Variants in HAO2 observed in about 807,000 individuals in gnomAD.
HAO2 encodes the protein 2-Hydroxyacid oxidase 2.
A neutral mutation model predicts 37.4 loss-of-function variants in HAO2; 42 were observed. The observed-to-expected ratio is 1.12, with a 90% CI of 0.88 to 1.45. The LOEUF (loss-of-function observed/expected upper bound fraction) is 1.45, where lower values mean the gene tolerates loss of function less well. Ranked by LOEUF, HAO2 falls within the 40% of genes most tolerant of loss-of-function variation. HAO2 has a pLI of 0.00. For missense variants in HAO2, 476 were observed against 430.2 expected (o/e 1.11, Z -0.94); for synonymous variants, 180 against 162.8 (o/e 1.11, Z -0.81).
At chr1:119,384,640 C>T (rs1174598051) in intron 3 of HAO2, 136 bp from the exon 4 acceptor site, 13 of 703,508 alleles carry the variant, frequency 1.8e-5, no homozygotes, top group Non-Finnish European at 3.0e-5. Context: ...CCCTTTCTTA[C>T]AAGGAAGCAG....
chr1:119,371,970 C>CTATGT (rs1490185675), intron 1 of HAO2, among the ~76,000 whole-genome samples: 3 of 152,148 alleles, frequency 2.0e-5, no homozygotes, highest in South Asian at 4.1e-4. Flanking sequence ...CTATGTTCAA[C>CTATGT]GCTCTATGGA....
intron 1 of HAO2, among the ~76,000 whole-genome samples, chr1:119,373,246 G>A (rs1649176105): frequency 6.6e-6 from 1 of 152,148 alleles, no homozygotes; most frequent in East Asian, 1.9e-4. Context: ...AGGTGAAGGT[G>A]GAATGATAAA....
At chr1:119,392,718 C>T (rs199981951) in intron 7 of HAO2, 31 bp downstream of exon 7, 3 of 1,331,418 alleles carry the variant, frequency 2.3e-6, no homozygotes, top group African/African-American at 1.4e-5. Context: ...TGATTTGGAA[C>T]TTAAAGCAGG....
At chr1:119,376,923 G>A (rs1412630800) in intron 1 of HAO2, among the ~76,000 whole-genome samples, 1 of 152,186 alleles carries the variant, frequency 6.6e-6, no homozygotes, top group Non-Finnish European at 1.5e-5. Context: ...CTGCAGAGAA[G>A]ATGTCTGATA....
In HAO2 at chr1:119,392,679, C is replaced by T; in HGVS notation, c.992C>T (p.Ala331Val). 3.8e-6 allele frequency: 6 copies of T among 1,590,528 alleles called. No homozygotes were observed. Among genetic ancestry groups the T allele is most frequent in the East Asian group, 2.2e-5 (1 of 44,736 alleles). Residue 331 changes from alanine to valine, a missense_variant, in exon 7 of 8, where the codon GCC becomes GTC. Transcript: ENST00000325945. ...ILTNEFHTSM[A>V]LTGCRSVAEI... ...ACAAATGAGTTCCACACTTCCATGG[C>T]CCTTACAGGTAAGTTAACATGTTTT... is the stretch of plus-strand genomic sequence containing the variant.
rs372341545 is a variant in HAO2, at chr1:119,383,086, C to T, written c.283+20C>T. 1.8e-5 allele frequency: 29 copies of T among 1,594,026 alleles called. No individual in the cohort carries two copies. The highest frequency in any genetic ancestry group is 1.1e-4 in the African/African-American group (8 of 74,530). On this transcript the variant is annotated intron_variant, in intron 3 of 7. Coordinates refer to ENST00000325945, the MANE Select transcript of HAO2 (RefSeq NM_016527.4). ...CAAGAGGTATGAACCATCCCCACCTCGAGGCTCCTTTCCGGGAGGAGGTGT... is the reference window on the plus strand; with the variant it reads ...CAAGAGGTATGAACCATCCCCACCTTGAGGCTCCTTTCCGGGAGGAGGTGT...
chr1:119,376,501 G>C (rs1248604111), intron 1 of HAO2, among the ~76,000 whole-genome samples: 2 of 152,318 alleles, frequency 1.3e-5, no homozygotes, highest in South Asian at 2.1e-4. Context: ...CTGGAGTCTG[G>C]AGGATGATGG....
intron 1 of HAO2, among the ~76,000 whole-genome samples, chr1:119,378,810 G>A (rs1649685491): frequency 6.6e-6 from 1 of 152,190 alleles, no homozygotes; most frequent in African/African-American, 2.4e-5. Flanking sequence ...GAGATATCAG[G>A]AGTTGAAACC....
At chr1:119,371,307 C>T (rs1324841576) in intron 1 of HAO2, among the ~76,000 whole-genome samples, 4 of 152,202 alleles carry the variant, frequency 2.6e-5, no homozygotes, top group Admixed American at 2.0e-4. Context: ...CTCATACATA[C>T]ACTCTCTGAT....
At position 119,394,115 on chromosome 1, in the gene HAO2, T is replaced by C; in HGVS notation, c.*275T>C. ...AAGTAAAAGATCTCAAAAGGACAGA[T>C]CATTAATGACTGGAACCACTAGTGG... On this transcript the variant is annotated 3_prime_UTR_variant, in exon 8 of 8. Coordinates refer to ENST00000325945, the MANE Select transcript of HAO2 (RefSeq NM_016527.4). 9.1e-7 allele frequency: 1 copy of C among 1,101,300 alleles called. No homozygotes were observed. The highest frequency in any genetic ancestry group is 1.2e-6 in the Non-Finnish European group (1 of 851,686). 68.2% of individuals were successfully genotyped at this position (1,101,300 alleles called of 1,614,324 possible).
chr1:119,377,738 G>A lies in HAO2; in HGVS notation c.-8-3340G>A, dbSNP rs995486759. 3.3e-5 allele frequency among the ~76,000 whole-genome samples: 5 copies of A among 152,206 alleles called. No individual in the cohort carries two copies. In the South Asian group the frequency reaches 1.0e-3, roughly 32 times the overall value. ...AAAGGCATGTTTTAAATGGCAGCAG[G>A]TAAGAGAGCACATGCAGGGAACTGC... On this transcript the variant is annotated intron_variant, in intron 1 of 7. Transcript: ENST00000325945.
intron 5 of HAO2, among the ~76,000 whole-genome samples, chr1:119,390,629 T>A (rs41443445): frequency 6.6e-6 from 1 of 152,190 alleles, no homozygotes; most frequent in South Asian, 2.1e-4. Flanking sequence ...GTGGAGTTGA[T>A]AATAATTGTG....
rs764152324 is a variant in HAO2, at chr1:119,393,782, T to C, written c.1001-3T>C. 6.2e-7 allele frequency: 1 copy of C among 1,613,078 alleles called. No homozygotes were observed. Among genetic ancestry groups the C allele is most frequent in the African/African-American group, 1.3e-5 (1 of 74,880 alleles). ...TGAGCTTGTAACCACATTGTTCTTT[T>C]AGGCTGCCGGTCGGTCGCTGAGATC... On this transcript the variant is annotated splice_region_variant and splice_polypyrimidine_tract_variant and intron_variant, in intron 7 of 7. Coordinates refer to ENST00000325945, the MANE Select transcript of HAO2 (RefSeq NM_016527.4).
intron 1 of HAO2, among the ~76,000 whole-genome samples, chr1:119,375,018 A>T (rs188501651): frequency 2.2e-4 from 34 of 152,332 alleles, no homozygotes; most frequent in Admixed American, 1.6e-3. Flanking sequence ...AAGCCTAAAG[A>T]GGTTCAAGGA....
chr1:119,377,654 C>T (rs1219798457), intron 1 of HAO2, among the ~76,000 whole-genome samples: 6 of 152,236 alleles, frequency 3.9e-5, no homozygotes, highest in Non-Finnish European at 5.9e-5. Context: ...GCTTAATGGA[C>T]TTCCAGTTCC....
At chr1:119,384,195 G>A (rs1228194499) in intron 3 of HAO2, among the ~76,000 whole-genome samples, 1 of 152,130 alleles carries the variant, frequency 6.6e-6, no homozygotes, top group African/African-American at 2.4e-5. Context: ...ACACCACTTT[G>A]CAATGTAAAG....
intron 5 of HAO2, among the ~76,000 whole-genome samples, chr1:119,391,571 C>G (rs928005506): frequency 6.6e-6 from 1 of 152,168 alleles, no homozygotes; most frequent in Non-Finnish European, 1.5e-5. Context: ...CTCAGATACG[C>G]CATGAGGAAG....
intron 1 of HAO2, among the ~76,000 whole-genome samples, chr1:119,374,210 A>G (rs749067058): frequency 2.6e-4 from 39 of 152,162 alleles, no homozygotes; most frequent in Non-Finnish European, 4.6e-4. Context: ...AGCATTTTCC[A>G]GTGCCATTGA....
intron 1 of HAO2, among the ~76,000 whole-genome samples, chr1:119,377,749 C>A (rs1025650472): frequency 3.3e-5 from 5 of 152,202 alleles, no homozygotes; most frequent in Non-Finnish European, 7.3e-5. Context: ...TAAGAGAGCA[C>A]ATGCAGGGAA....
Sources: gnomAD v4.1 joint callset for allele counts (sites outside exome capture counted in the v4.1 genomes callset) on GRCh38, gnomAD v4.1.1 for gene constraint, MANE v1.5 for transcripts, NCBI Gene and HGNC (gene_info 2026-07-23, HGNC 2026-07-21) for gene names.